TOLLIP: variants seen among roughly 807,000 people sequenced by gnomAD.
The protein encoded by TOLLIP is toll interacting protein, also known as toll-interacting protein.
Under a neutral mutation model 33.5 loss-of-function variants are expected in TOLLIP, and 16 were observed. The observed-to-expected ratio is 0.48, with a 90% CI of 0.32 to 0.72. The LOEUF (loss-of-function observed/expected upper bound fraction) is 0.72. TOLLIP is among the 30% of genes least tolerant of loss of function. TOLLIP has a pLI of 0.03. For synonymous variants in TOLLIP, 176 were observed against 163.7 expected (o/e 1.07, Z -0.57); for missense variants, 325 against 396.6 (o/e 0.82, Z 1.53).
At chr11:1,285,494 G>A (rs1446577551) in intron 5 of TOLLIP, among the ~76,000 whole-genome samples, 1 of 152,240 alleles carries the variant, frequency 6.6e-6, no homozygotes, top group African/African-American at 2.4e-5. Context: ...GCAGCCACAG[G>A]CTGCTCACTC....
intron 1 of TOLLIP, among the ~76,000 whole-genome samples, chr11:1,301,662 C>T (rs1864281932): frequency 6.6e-6 from 1 of 152,176 alleles, no homozygotes; most frequent in African/African-American, 2.4e-5. Context: ...CCTGAAGCCA[C>T]AAAGCCAGCC....
chr11:1,281,833 G>A (rs907682204), intron 5 of TOLLIP, among the ~76,000 whole-genome samples: 2 of 152,256 alleles, frequency 1.3e-5, no homozygotes, highest in Non-Finnish European at 2.9e-5. Context: ...TGCACTTTGA[G>A]ATTCCACTTC....
At position 1,277,022 on chromosome 11, in the gene TOLLIP, G is replaced by A; in HGVS notation, c.*17C>T. On this transcript the variant is annotated 3_prime_UTR_variant, in exon 6 of 6. Coordinates refer to ENST00000317204, the MANE Select transcript of TOLLIP (RefSeq NM_019009.4). The surrounding 1 kb of genome is among the most constrained non-coding windows in gnomAD (Gnocchi z 4.2). ...GTGTCCAAAGAGCGGGGGCAAAACG[G>A]CATCGAGGCAGAGGCTCTATGGCTC... 6.2e-7 allele frequency: 1 copy of A among 1,609,760 alleles called. No individual in the cohort carries two copies. The highest frequency in any genetic ancestry group is 8.5e-7 in the Non-Finnish European group (1 of 1,176,814).
At chr11:1,281,224 G>C (rs912244755) in intron 5 of TOLLIP, among the ~76,000 whole-genome samples, 1 of 152,246 alleles carries the variant, frequency 6.6e-6, no homozygotes, top group Non-Finnish European at 1.5e-5. Context: ...TTCGGGCCAT[G>C]ATCATGGCGT....
At position 1,276,995 on chromosome 11, in the gene TOLLIP, G is replaced by A. The variant is rs763010921; in HGVS notation, c.*44C>T. 18 of 1,600,560 alleles carry A rather than the reference G, an allele frequency of 1.1e-5. No homozygotes were observed. The South Asian group carries it at 2.0e-4, about 18-fold the overall frequency. ...GCATTCCTTGGGGAGCGCCGGGTCG[G>A]CGTGTCCAAAGAGCGGGGGCAAAAC... On this transcript the variant is annotated 3_prime_UTR_variant, in exon 6 of 6. Transcript: ENST00000317204.
Position 1,303,004 on chromosome 11 carries a change from CATGCCGGG to C in TOLLIP, c.33+6454_33+6461del, listed in dbSNP as rs1864326786. Among the ~76,000 whole-genome samples, 1 of 152,226 alleles carries C rather than the reference CATGCCGGG, an allele frequency of 6.6e-6. No individual in the cohort carries two copies. The highest frequency in any genetic ancestry group is 2.1e-4 in the South Asian group (1 of 4,836). ...AACACAACAGGCGCTTCAAAGCCAA[CATGCCGGG>C]AGGTTCCCTGGCTCTGCTAAAGTCT... On this transcript the variant is annotated intron_variant, in intron 1 of 5. Coordinates refer to ENST00000317204, the MANE Select transcript of TOLLIP (RefSeq NM_019009.4). The surrounding 1 kb of genome is among the most constrained non-coding windows in gnomAD (Gnocchi z 4.2).
chr11:1,279,763 T>C lies in TOLLIP; in HGVS notation c.611-2510A>G, dbSNP rs139741446. 2.2e-3 allele frequency among the ~76,000 whole-genome samples: 335 copies of C among 152,302 alleles called. 5 individuals carry two copies. The highest frequency in any genetic ancestry group is 7.6e-3 in the African/African-American group (318 of 41,580). The stretch of plus-strand genomic sequence containing the variant: ...CAAGGATACCCAGGAAAACCAAAAC[T>C]TGTCCCTTTTCCATTCAGGAAAAAT... On this transcript the variant is annotated intron_variant, in intron 5 of 5. Coordinates refer to ENST00000317204, the MANE Select transcript of TOLLIP (RefSeq NM_019009.4).
chr11:1,277,707 C>T lies in TOLLIP; in HGVS notation c.611-454G>A, dbSNP rs145694209. On this transcript the variant is annotated intron_variant, in intron 5 of 5. Coordinates refer to ENST00000317204, the MANE Select transcript of TOLLIP (RefSeq NM_019009.4). This position sits in a 1 kb window ranked among gnomAD's most constrained non-coding sequence, Gnocchi z 4.2. ...CACGCCCGCTGATCCAAACACTGCA[C>T]GGTCTGAGCCTCTTCCTTTATCAGG... is the stretch of plus-strand genomic sequence containing the variant. Among the ~76,000 whole-genome samples the T allele has an allele frequency of 4.8e-4, 73 of 152,308 alleles. No homozygotes were observed. Among genetic ancestry groups the T allele is most frequent in the African/African-American group, 1.6e-3 (66 of 41,560 alleles).
At chr11:1,300,336 ACT>A (rs1206555311) in intron 1 of TOLLIP, among the ~76,000 whole-genome samples, 3 of 152,196 alleles carry the variant, frequency 2.0e-5, no homozygotes, top group Non-Finnish European at 4.4e-5. Flanking sequence ...TTCCTCCCTC[ACT>A]GACGCCAGAG....
In TOLLIP at chr11:1,302,510, C is replaced by A. The variant is rs979931911; in HGVS notation, c.34-6716G>T. The A allele has an allele frequency of 1.2e-4, 106 of 918,306 alleles. No individual in the cohort carries two copies. In the South Asian group the frequency reaches 4.4e-3, roughly 38 times the overall value. 56.9% of individuals were successfully genotyped at this position (918,306 alleles called of 1,614,324 possible). A position where few individuals can be genotyped will look rare whatever the true frequency, so the allele number is the denominator to read the frequency against. ...AGGCTAGAAGGAAAACTGCAATTCC[C>A]CATGCCCACTCAGCTGCTGGCTCCC... On this transcript the variant is annotated intron_variant, in intron 1 of 5. Coordinates refer to ENST00000317204, the MANE Select transcript of TOLLIP (RefSeq NM_019009.4).
At chr11:1,289,313 G>T (rs889679187) in intron 3 of TOLLIP, among the ~76,000 whole-genome samples, 1 of 152,202 alleles carries the variant, frequency 6.6e-6, no homozygotes, top group African/African-American at 2.4e-5. Flanking sequence ...GGCAGGGAGG[G>T]CTGGCCGTCT....
rs1863282744 is a variant in TOLLIP, at chr11:1,275,898, A to G, written c.*1141T>C. The G allele has an allele frequency of 6.6e-6, 1 of 152,218 alleles. No individual in the cohort carries two copies. The highest frequency in any genetic ancestry group is 6.5e-5 in the Admixed American group (1 of 15,286). 9.4% of individuals were successfully genotyped at this position (152,218 alleles called of 1,614,324 possible). Reference sequence around the variant, plus strand: ...GACACTTGAACCACAAACACCAGACATGCAGGTGTCTCAATGGCATGCAGA... The same window carrying G: ...GACACTTGAACCACAAACACCAGACGTGCAGGTGTCTCAATGGCATGCAGA... On this transcript the variant is annotated 3_prime_UTR_variant, in exon 6 of 6. Transcript: ENST00000317204.
rs1564984147 is a variant in TOLLIP, at chr11:1,309,511, G to GC, written c.-14dup. The stretch of plus-strand genomic sequence containing the variant: ...CGGTGGTCGCCATGGTGCTGCGGCG[G>GC]CCCCCGTGGCTCGCCGACCCGACAG... On this transcript the variant is annotated 5_prime_UTR_variant, in exon 1 of 6. Coordinates refer to ENST00000317204, the MANE Select transcript of TOLLIP (RefSeq NM_019009.4). The GC allele has an allele frequency of 7.7e-7, 1 of 1,299,978 alleles. No homozygotes were observed. The highest frequency in any genetic ancestry group is 2.0e-5 in the South Asian group (1 of 50,794). The allele number at this position is 1,299,978 out of a possible 1,614,324, so 80.5% of individuals were successfully genotyped here.
chr11:1,290,360 C>T lies in TOLLIP; in HGVS notation c.233G>A (p.Arg78Gln), dbSNP rs149174945. 30 of 1,613,324 alleles carry T rather than the reference C, an allele frequency of 1.9e-5. No individual in the cohort carries two copies. The highest frequency in any genetic ancestry group is 1.3e-4 in the East Asian group (6 of 44,894). ...YGMTRMDPYC[R>Q]LRLGYAVYET... ...GTACACCGCGTAGCCCAGGCGCAGT[C>T]GGCAGTAGGGGTCCATGCGGGTCAT... The change falls in exon 3 of 6, where the codon CGA becomes CAA. Residue 78 changes from arginine to glutamine, a missense_variant. Physicochemically the swap from Arg to Gln is conservative, Grantham distance 43. Transcript: ENST00000317204. This position sits in a 1 kb window ranked among gnomAD's most constrained non-coding sequence, Gnocchi z 4.9.
intron 5 of TOLLIP, among the ~76,000 whole-genome samples, chr11:1,282,648 T>C (rs1191902888): frequency 3.3e-5 from 4 of 120,764 alleles, no homozygotes; most frequent in African/African-American, 1.3e-4. Context: ...ATAAATAAAA[T>C]AGGAAATTGT....
At chr11:1,302,242 G>A (rs1049293029) in intron 1 of TOLLIP, among the ~76,000 whole-genome samples, 7 of 152,376 alleles carry the variant, frequency 4.6e-5, no homozygotes, top group South Asian at 4.1e-4. Flanking sequence ...GCGGGAACGC[G>A]CACCAGGGCT....
chr11:1,288,499 G>T, intron 4 of TOLLIP, 125 bp downstream of exon 4: 1 of 1,224,246 alleles, frequency 8.2e-7, no homozygotes, highest in Non-Finnish European at 1.1e-6. Flanking sequence ...CTCAGAACGT[G>T]AGCCCTGCTG....
At chr11:1,283,886 G>A (rs995905467) in intron 5 of TOLLIP, among the ~76,000 whole-genome samples, 2 of 152,180 alleles carry the variant, frequency 1.3e-5, no homozygotes, top group South Asian at 2.1e-4. Context: ...CCCTGCCTAC[G>A]GGGCTTCGAC....
At chr11:1,281,045 C>T (rs1476700442) in intron 5 of TOLLIP, among the ~76,000 whole-genome samples, 2 of 152,238 alleles carry the variant, frequency 1.3e-5, no homozygotes, top group East Asian at 3.8e-4. Flanking sequence ...TTCATGAGGC[C>T]ACGCGGTCTC....
Sources: gnomAD v4.1 joint callset for allele counts (sites outside exome capture counted in the v4.1 genomes callset) on GRCh38, gnomAD v4.1.1 for gene constraint, Gnocchi (gnomAD v3.1) non-coding constraint, MANE v1.5 for transcripts, NCBI Gene and HGNC (gene_info 2026-07-23, HGNC 2026-07-21) for gene names.